Variants in SRSF11 observed in about 807,000 individuals in gnomAD.
The protein encoded by SRSF11 is serine/arginine-rich splicing factor 11.
SRSF11 carries 9 observed loss-of-function variants against 56.0 expected under a neutral mutation model. That is an observed-to-expected ratio of 0.16 (90% CI 0.10 to 0.28). The LOEUF is 0.28. Among genes scored for constraint, SRSF11 ranks in the 10% least tolerant of loss-of-function variants. SRSF11 has a pLI of 1.00. For synonymous variants in SRSF11, 222 were observed against 215.3 expected (o/e 1.03, Z -0.27); for missense variants, 421 against 600.7 (o/e 0.70, Z 3.13).
chr1:70,207,111 C>T (rs879243911), intron 1 of SRSF11, among the ~76,000 whole-genome samples: 1 of 151,846 alleles, frequency 6.6e-6, no homozygotes, highest in South Asian at 2.1e-4. Flanking sequence ...AGGCTGGTCT[C>T]GAACTCCCAG....
intron 1 of SRSF11, among the ~76,000 whole-genome samples, chr1:70,212,162 G>C (rs1242617334): frequency 1.3e-5 from 2 of 152,118 alleles, no homozygotes; most frequent in African/African-American, 4.8e-5. Flanking sequence ...AAAGTTGTGA[G>C]TAGTATTTTA....
chr1:70,231,797 A>G (rs951752254), intron 2 of SRSF11: 7 of 1,355,582 alleles, frequency 5.2e-6, no homozygotes, highest in Middle Eastern at 2.0e-4. Context: ...GTACCATATT[A>G]TTAACCCCTA....
intron 9 of SRSF11, among the ~76,000 whole-genome samples, chr1:70,247,905 A>G (rs1429220731): frequency 6.6e-6 from 1 of 152,160 alleles, no homozygotes; most frequent in Admixed American, 6.5e-5. Context: ...TAGTAAGTAC[A>G]TAAAATCTGT....
At position 70,251,930 on chromosome 1, in the gene SRSF11, A is replaced by G. The variant is rs1167064260; in HGVS notation, c.*1125A>G. ...TGCAGTAGAAACAAAAGTAGGCTACAGTCTGTGCCATGTTGATGTACAGTT... is the reference window on the plus strand; with the variant it reads ...TGCAGTAGAAACAAAAGTAGGCTACGGTCTGTGCCATGTTGATGTACAGTT... On this transcript the variant is annotated 3_prime_UTR_variant, in exon 12 of 12. Transcript: ENST00000370949. 1 of 152,638 alleles carries G rather than the reference A, an allele frequency of 6.6e-6. No homozygotes were observed. Among genetic ancestry groups the G allele is most frequent in the Non-Finnish European group, 1.5e-5 (1 of 68,012 alleles). 9.5% of individuals were successfully genotyped at this position (152,638 alleles called of 1,614,324 possible). A position where few individuals can be genotyped will look rare whatever the true frequency, so the allele number is the denominator to read the frequency against.
chr1:70,219,874 A>G (rs1459532067), upstream of SRSF11, among the ~76,000 whole-genome samples: 1 of 152,188 alleles, frequency 6.6e-6, no homozygotes, highest in Non-Finnish European at 1.5e-5. Flanking sequence ...TCTCTCACAT[A>G]TTGCATCTTG....
At position 70,246,792 on chromosome 1, in the gene SRSF11, A is replaced by G. The variant is rs145256852; in HGVS notation, c.933-26A>G. 210 of 1,530,598 alleles carry G rather than the reference A, an allele frequency of 1.4e-4. No homozygotes were observed. In the African/African-American group the frequency reaches 2.5e-3, roughly 18 times the overall value. The allele number at this position is 1,530,598 out of a possible 1,614,324, so 94.8% of individuals were successfully genotyped here. On this transcript the variant is annotated intron_variant, in intron 8 of 11. Transcript: ENST00000370949. ...TGGCATCAGCTGAGTCTTCTAATGC[A>G]TTCATAAATTGTGTTCATTTGTTAG...
At chr1:70,235,672 A>ATTGT (rs1673820501) in intron 5 of SRSF11, 122 bp downstream of exon 5, 1 of 889,076 alleles carries the variant, frequency 1.1e-6, no homozygotes, top group African/African-American at 1.7e-5. Flanking sequence ...AGCAATATGT[A>ATTGT]TTGTTACCTA....
intron 7 of SRSF11, among the ~76,000 whole-genome samples, chr1:70,244,107 A>G (rs1310696746): frequency 4.6e-5 from 7 of 152,196 alleles, no homozygotes; most frequent in Admixed American, 4.6e-4. Flanking sequence ...GAGTTTCCTA[A>G]ATTGTGGATT....
chr1:70,215,392 A>G (rs908096165), intron 1 of SRSF11, among the ~76,000 whole-genome samples: 1 of 152,208 alleles, frequency 6.6e-6, no homozygotes, highest in Non-Finnish European at 1.5e-5. Context: ...TTCCCTTAGT[A>G]TACTTTATTG....
At chr1:70,227,428 C>CA (rs371214044) in intron 1 of SRSF11, among the ~76,000 whole-genome samples, 1 of 152,122 alleles carries the variant, frequency 6.6e-6, no homozygotes, top group East Asian at 1.9e-4. Flanking sequence ...AGAAAGAACT[C>CA]AAACTTCATC....
At chr1:70,232,884 A>C (rs909080241) in intron 3 of SRSF11, among the ~76,000 whole-genome samples, 1 of 152,230 alleles carries the variant, frequency 6.6e-6, no homozygotes, top group South Asian at 2.1e-4. Context: ...TAACACTGAC[A>C]GTGCTGTACG....
At chr1:70,249,070 T>TA (rs1299890987) in intron 9 of SRSF11, 2 of 152,084 alleles carry the variant, frequency 1.3e-5, no homozygotes, top group African/African-American at 4.8e-5. Context: ...TTTTTTTTTT[T>TA]AAGTTACAGT....
At position 70,228,729 on chromosome 1, in the gene SRSF11, A is replaced by G. The variant is rs542734113; in HGVS notation, c.337+174A>G. ...GATTTTTTTTAATTCTAAAAATTAG[A>G]AATTAGGTCTGTTATTATAAGGTAT... On this transcript the variant is annotated intron_variant, in intron 2 of 11. Transcript: ENST00000370949. 134 of 1,290,762 alleles carry G rather than the reference A, an allele frequency of 1.0e-4. 5 individuals carry two copies. In the South Asian group the frequency reaches 1.8e-3, roughly 18 times the overall value. 80.0% of individuals were successfully genotyped at this position (1,290,762 alleles called of 1,614,324 possible). A position where few individuals can be genotyped will look rare whatever the true frequency, so the allele number is the denominator to read the frequency against.
chr1:70,240,574 T>C (rs2100881530), intron 7 of SRSF11, among the ~76,000 whole-genome samples: 1 of 151,778 alleles, frequency 6.6e-6, no homozygotes, highest in South Asian at 2.1e-4. Flanking sequence ...AAGCCATTGC[T>C]CTAGGTTATT....
At chr1:70,244,904 G>A (rs189210144) in intron 8 of SRSF11, 89 bp downstream of exon 8, 23 of 1,328,302 alleles carry the variant, frequency 1.7e-5, no homozygotes, top group Non-Finnish European at 2.3e-5. Context: ...GTTGGGGTGC[G>A]GGGCAGAGAA....
chr1:70,233,421 G>A (rs1248810206), intron 3 of SRSF11, among the ~76,000 whole-genome samples: 1 of 151,982 alleles, frequency 6.6e-6, no homozygotes, highest in Admixed American at 6.6e-5. Context: ...TGTATTTTTA[G>A]TAGGGATGGG....
chr1:70,224,241 A>G (rs1671274870), intron 1 of SRSF11, among the ~76,000 whole-genome samples: 1 of 152,152 alleles, frequency 6.6e-6, no homozygotes, highest in African/African-American at 2.4e-5. Flanking sequence ...AACCATGGAT[A>G]CTGAGGGAAA....
In SRSF11 at chr1:70,235,557, G is replaced by T; in HGVS notation, c.590+7G>T. On this transcript the variant is annotated splice_region_variant and intron_variant, in intron 5 of 11. Coordinates refer to ENST00000370949, the MANE Select transcript of SRSF11 (RefSeq NM_001350605.2). ...TGAGTACTGTTGATCCCAAGTAAGC[G>T]TTTTTTCTTTGTTTTCATTGGTGAT... 2 of 1,608,838 alleles carry T rather than the reference G, an allele frequency of 1.2e-6. No individual in the cohort carries two copies. The highest frequency in any genetic ancestry group is 1.7e-5 in the Admixed American group (1 of 58,832).
At chr1:70,227,862 C>T (rs1672145002) in intron 1 of SRSF11, among the ~76,000 whole-genome samples, 1 of 152,146 alleles carries the variant, frequency 6.6e-6, no homozygotes, top group Non-Finnish European at 1.5e-5. Context: ...GAAAGTGCTC[C>T]AAGCCAGAAA....
Sources: gnomAD v4.1 joint callset for allele counts (sites outside exome capture counted in the v4.1 genomes callset) on GRCh38, gnomAD v4.1.1 for gene constraint, MANE v1.5 for transcripts, NCBI Gene and HGNC (gene_info 2026-07-23, HGNC 2026-07-21) for gene names.